COLEC12: variants seen among roughly 807,000 people sequenced by gnomAD.
COLEC12 encodes collectin subfamily member 12.
COLEC12 carries 33 observed loss-of-function variants against 71.1 expected under a neutral mutation model. That is an observed-to-expected ratio of 0.46 (90% CI 0.35 to 0.62). COLEC12 has a LOEUF of 0.62. Ranked by LOEUF, COLEC12 falls within the 20% of genes least tolerant of loss-of-function variation. The pLI, the probability that COLEC12 is intolerant of heterozygous loss-of-function variation, is 0.00. For synonymous variants in COLEC12, 350 were observed against 353.0 expected, an observed-to-expected ratio of 0.99 and a Z score of 0.10; for missense variants, 765 against 916.1, an observed-to-expected ratio of 0.84 and a Z score of 2.13.
intron 1 of COLEC12, among the ~76,000 whole-genome samples, chr18:483,520 G>A (rs1375540616): frequency 6.6e-6 from 1 of 152,122 alleles, no homozygotes; most frequent in Non-Finnish European, 1.5e-5. Context: ...AGAGATCTTG[G>A]TTTGGAATCT....
In COLEC12 at chr18:316,746, A is replaced by C. The variant is rs886701184; in HGVS notation, c.*3299T>G. ...AGTTGTTGAACATTGATCGTAGAAA[A>C]GGAAAAGAAAGTTTTTATTTTTTGC... On this transcript the variant is annotated 3_prime_UTR_variant, in exon 10 of 10. Coordinates refer to ENST00000400256, the MANE Select transcript of COLEC12 (RefSeq NM_130386.3). The C allele has an allele frequency of 3.3e-5, 5 of 152,138 alleles. No homozygotes were observed. The highest frequency in any genetic ancestry group is 1.2e-4 in the African/African-American group (5 of 41,426). The allele number at this position is 152,138 out of a possible 1,614,324, so 9.4% of individuals were successfully genotyped here.
At chr18:468,247 G>A (rs548813673) in intron 2 of COLEC12, among the ~76,000 whole-genome samples, 8 of 135,192 alleles carry the variant, frequency 5.9e-5, no homozygotes, top group African/African-American at 2.2e-4. Context: ...GGGCGACAGA[G>A]TGAGACTCCG....
intron 2 of COLEC12, among the ~76,000 whole-genome samples, chr18:373,102 C>T (rs1052579492): frequency 4.6e-5 from 7 of 152,198 alleles, no homozygotes; most frequent in Non-Finnish European, 2.9e-5. Flanking sequence ...ATAAGAGCCT[C>T]TTAGTTTTCC....
chr18:462,422 A>G (rs1598372596), intron 2 of COLEC12, among the ~76,000 whole-genome samples: 1 of 152,214 alleles, frequency 6.6e-6, no homozygotes, highest in African/African-American at 2.4e-5. Flanking sequence ...ACAAAAGACA[A>G]TATATTATGT....
chr18:491,180 C>T (rs1917613325), intron 1 of COLEC12, among the ~76,000 whole-genome samples: 1 of 152,244 alleles, frequency 6.6e-6, no homozygotes, highest in Non-Finnish European at 1.5e-5. Flanking sequence ...CCTGAGTCTA[C>T]AGTCACTCTC....
chr18:373,898 G>A (rs565776672), intron 2 of COLEC12, among the ~76,000 whole-genome samples: 5 of 152,308 alleles, frequency 3.3e-5, no homozygotes, highest in East Asian at 3.9e-4. Flanking sequence ...CTGTGAAGAC[G>A]CTACAACCTC....
intron 2 of COLEC12, among the ~76,000 whole-genome samples, chr18:478,234 T>C (rs1917342007): frequency 6.6e-6 from 1 of 152,198 alleles, no homozygotes. Flanking sequence ...CAGAATCTTC[T>C]AACCCCAGCT....
chr18:370,029 A>C (rs1914966588), intron 2 of COLEC12, among the ~76,000 whole-genome samples: 1 of 152,244 alleles, frequency 6.6e-6, no homozygotes, highest in African/African-American at 2.4e-5. Flanking sequence ...AGAAAAAAAT[A>C]CAAGAGTTCA....
In COLEC12 at chr18:347,355, T is replaced by C; in HGVS notation, c.281-14A>G. On this transcript the variant is annotated splice_polypyrimidine_tract_variant and intron_variant, in intron 4 of 9. Coordinates refer to ENST00000400256, the MANE Select transcript of COLEC12 (RefSeq NM_130386.3). ...CAGTTTGGTCACCTGGAATAAGAAA[T>C]ATCTGTGACTTATATTGGTGGTATG... 1 of 1,601,920 alleles carries C rather than the reference T, an allele frequency of 6.2e-7. No homozygotes were observed. Among genetic ancestry groups the C allele is most frequent in the South Asian group, 1.1e-5 (1 of 89,944 alleles).
In COLEC12 at chr18:429,239, CGTT is replaced by C. The variant is rs376812555; in HGVS notation, c.58+51465_58+51467del. Among the ~76,000 whole-genome samples the C allele has an allele frequency of 2.2e-3, 337 of 152,054 alleles. 2 individuals are homozygous for C. The highest frequency in any genetic ancestry group is 7.8e-3 in the African/African-American group (322 of 41,472). ...TTGATTTGTTTTTTTAACAAGAACA[CGTT>C]GTCTCTCCCATGGTAATGATGCAAA... On this transcript the variant is annotated intron_variant, in intron 2 of 9. Coordinates refer to ENST00000400256, the MANE Select transcript of COLEC12 (RefSeq NM_130386.3).
rs1913658524 is a variant in COLEC12 at position 319,843 on chromosome 18, C to T, written c.*202G>A. 1.7e-6 allele frequency: 1 copy of T among 579,312 alleles called. No individual in the cohort carries two copies. Among genetic ancestry groups the T allele is most frequent in the South Asian group, 2.3e-5 (1 of 44,420 alleles). 35.9% of individuals were successfully genotyped at this position (579,312 alleles called of 1,614,324 possible). On this transcript the variant is annotated 3_prime_UTR_variant, in exon 10 of 10. Transcript: ENST00000400256. ...AGTCCATGTGCACAATGAAAATCAG[C>T]ATATCACCCTGGGGAACATTTTAGT...
intron 2 of COLEC12, among the ~76,000 whole-genome samples, chr18:425,444 A>G (rs16944415): frequency 0.035 from 5,343 of 152,178 alleles, 313 homozygotes; most frequent in African/African-American, 0.12. Context: ...TACCAAATGC[A>G]GACTAGACCA....
At chr18:395,284 C>T (rs561087383) in intron 2 of COLEC12, among the ~76,000 whole-genome samples, 1 of 152,288 alleles carries the variant, frequency 6.6e-6, no homozygotes, top group East Asian at 1.9e-4. Flanking sequence ...GCTGGGAGGG[C>T]ACAGGGCCCT....
At position 327,646 on chromosome 18, in the gene COLEC12, G is replaced by A. The variant is rs1913875971; in HGVS notation, c.2063+4022C>T. The stretch of plus-strand genomic sequence containing the variant: ...CAGGTCTCAGCATGAAAAATGAGGT[G>A]AGGCCGAGACGCAGAGGAGAGAGCC... On this transcript the variant is annotated intron_variant, in intron 8 of 9. Transcript: ENST00000400256. This position sits in a 1 kb window ranked among gnomAD's most constrained non-coding sequence, Gnocchi z 4.0. 6.6e-6 allele frequency among the ~76,000 whole-genome samples: 1 copy of A among 152,224 alleles called. No homozygotes were observed. The highest frequency in any genetic ancestry group is 1.5e-5 in the Non-Finnish European group (1 of 68,044).
At chr18:416,232 T>C (rs1278867956) in intron 2 of COLEC12, among the ~76,000 whole-genome samples, 2 of 152,186 alleles carry the variant, frequency 1.3e-5, no homozygotes, top group Non-Finnish European at 2.9e-5. Context: ...ATTTTGGGGA[T>C]TGTTTCATCA....
At chr18:466,206 C>T (rs1489592444) in intron 2 of COLEC12, among the ~76,000 whole-genome samples, 2 of 152,158 alleles carry the variant, frequency 1.3e-5, no homozygotes, top group Admixed American at 6.6e-5. Flanking sequence ...CACCACTGCA[C>T]TCCAGCCTGG....
At chr18:441,408 G>A (rs956354629) in intron 2 of COLEC12, among the ~76,000 whole-genome samples, 1 of 150,154 alleles carries the variant, frequency 6.7e-6, no homozygotes, top group Admixed American at 6.6e-5. Context: ...AGAAACACTG[G>A]GCTTAATCAT....
At chr18:366,429 A>C (rs906565997) in intron 2 of COLEC12, among the ~76,000 whole-genome samples, 2 of 151,994 alleles carry the variant, frequency 1.3e-5, no homozygotes, top group African/African-American at 4.8e-5. Flanking sequence ...CTACTAACTA[A>C]CTTCCTTTGT....
Position 447,772 on chromosome 18 carries a change from T to C in COLEC12, c.58+32935A>G, listed in dbSNP as rs570305005. Among the ~76,000 whole-genome samples, 13 of 152,314 alleles carry C rather than the reference T, an allele frequency of 8.5e-5. No homozygotes were observed. The South Asian group carries it at 2.7e-3, about 32-fold the overall frequency. ...AAACATAAAGGTAAAACCATTAAAT[T>C]GCAAGTCCTGTCCTCTCTGATTTTA... On this transcript the variant is annotated intron_variant, in intron 2 of 9. Coordinates refer to ENST00000400256, the MANE Select transcript of COLEC12 (RefSeq NM_130386.3).
Sources: allele counts gnomAD v4.1 joint callset (sites outside exome capture counted in the v4.1 genomes callset), GRCh38; gene constraint gnomAD v4.1.1; non-coding constraint Gnocchi (gnomAD v3.1); transcripts MANE v1.5; gene names NCBI Gene and HGNC (gene_info 2026-07-23, HGNC 2026-07-21).